Variants in ADGRG1 observed in about 807,000 individuals in gnomAD.
ADGRG1 encodes the protein adhesion G protein-coupled receptor G1.
In ADGRG1, 53 loss-of-function variants were observed where a neutral mutation model predicts 73.5. That is an observed-to-expected ratio of 0.72 (90% CI 0.58 to 0.91). The LOEUF is 0.91. Ranked by LOEUF, ADGRG1 falls within the 40% of genes least tolerant of loss-of-function variation. The pLI is 0.00. For synonymous variants in ADGRG1, 394 were observed against 374.4 expected (o/e 1.05, Z -0.60); for missense variants, 795 against 871.8 (o/e 0.91, Z 1.11).
chr16:57,628,619 C>T (rs2036391689), upstream of ADGRG1: 5 of 985,500 alleles, frequency 5.1e-6, no homozygotes, highest in South Asian at 1.9e-4. Flanking sequence ...AAACCCGGTC[C>T]CTCCCTCTCC....
intron 13 of ADGRG1, 88 bp downstream of exon 13, chr16:57,662,053 C>T (rs1386828634): frequency 1.9e-6 from 2 of 1,052,706 alleles, no homozygotes; most frequent in African/African-American, 3.1e-5. Context: ...AACCTGAAGA[C>T]TTCCCTTCTC....
intron 13 of ADGRG1, among the ~76,000 whole-genome samples, chr16:57,662,614 G>A (rs1319053980): frequency 5.3e-5 from 8 of 152,082 alleles, no homozygotes; most frequent in African/African-American, 1.9e-4. Flanking sequence ...AGAGGGAGAG[G>A]CAAGAACAAA....
At chr16:57,635,499 G>T (rs1383795215) in intron 1 of ADGRG1, 1 of 985,266 alleles carries the variant, frequency 1.0e-6, no homozygotes, top group Non-Finnish European at 1.2e-6. Context: ...GCAGCAGGTG[G>T]TGGCATGCCC....
chr16:57,661,417 T>C (rs2047068254), intron 12 of ADGRG1: 2 of 985,210 alleles, frequency 2.0e-6, no homozygotes, highest in Non-Finnish European at 2.4e-6. Context: ...ATCCTTCCCA[T>C]TGGCTCAGTG....
chr16:57,656,919 G>A (rs1275722835), intron 9 of ADGRG1, among the ~76,000 whole-genome samples: 1 of 152,132 alleles, frequency 6.6e-6, no homozygotes, highest in Admixed American at 6.5e-5. Flanking sequence ...TGGCAGTGAT[G>A]GGGCCAAGAG....
chr16:57,655,799 G>C lies in ADGRG1; in HGVS notation c.901-77G>C. ...GTGCTGGGAGAGGGTTATCTAGAGA[G>C]GGTAAGGGGCTTCTGGGCCCTTCTT... is the stretch of plus-strand genomic sequence containing the variant. On this transcript the variant is annotated intron_variant, in intron 6 of 13. Transcript: ENST00000562631. 6 of 1,613,530 alleles carry C rather than the reference G, an allele frequency of 3.7e-6. No individual in the cohort carries two copies. In the South Asian group the frequency reaches 6.6e-5, roughly 18 times the overall value.
At chr16:57,663,187 G>A in intron 13 of ADGRG1, 1 of 811,082 alleles carries the variant, frequency 1.2e-6, no homozygotes, top group Non-Finnish European at 1.5e-6. Flanking sequence ...AGCCTCCTGG[G>A]CCTCAGTTTC....
chr16:57,644,153 G>A (rs2147868307), intron 1 of ADGRG1: 2 of 985,100 alleles, frequency 2.0e-6, no homozygotes, highest in Middle Eastern at 5.2e-4. Context: ...GTTCCTCTGA[G>A]GAGCTCCCCG....
At chr16:57,631,440 G>A (rs962995750) in intron 1 of ADGRG1, 2 of 985,264 alleles carry the variant, frequency 2.0e-6, no homozygotes, top group African/African-American at 3.5e-5. Flanking sequence ...TCCCAGGGAG[G>A]CCATGGAGGA....
At chr16:57,633,249 G>A (rs192700132) in intron 1 of ADGRG1, 31 of 897,334 alleles carry the variant, frequency 3.5e-5, no homozygotes, top group East Asian at 1.2e-4. Flanking sequence ...ATGACTTCAA[G>A]AGGTTCTCCC....
intron 4 of ADGRG1, 70 bp downstream of exon 4, chr16:57,653,405 G>A: frequency 1.3e-6 from 2 of 1,595,140 alleles, no homozygotes; most frequent in Non-Finnish European, 1.7e-6. Flanking sequence ...GGCAGGGTGG[G>A]ACCTGGAGTA....
rs558568846 is a variant in ADGRG1, at chr16:57,644,915, ACT to A, written c.-35-5336_-35-5335del. ...GGGCACACACACTCATCACTTCATA[ACT>A]CATGCACACACACACTCATGCACGG... On this transcript the variant is annotated intron_variant, in intron 1 of 13. Coordinates refer to ENST00000562631, the MANE Select transcript of ADGRG1 (RefSeq NM_201525.4). The A allele has an allele frequency of 4.6e-3, 805 of 175,858 alleles. 8 individuals are homozygous for A. The highest frequency in any genetic ancestry group is 6.6e-3 in the Admixed American group (79 of 12,022). The allele number at this position is 175,858 out of a possible 1,614,324, so 10.9% of individuals were successfully genotyped here.
At chr16:57,653,504 G>A (rs2044665140) in intron 4 of ADGRG1, 169 bp downstream of exon 4, 2 of 985,274 alleles carry the variant, frequency 2.0e-6, no homozygotes, top group African/African-American at 1.7e-5. Context: ...CCCCCAGGCT[G>A]AGCCCTCTCC....
In ADGRG1 at chr16:57,639,606, C is replaced by A. The variant is rs2040246106; in HGVS notation, c.-35-10647C>A. On this transcript the variant is annotated intron_variant, in intron 1 of 13. Coordinates refer to ENST00000562631, the MANE Select transcript of ADGRG1 (RefSeq NM_201525.4). Reference sequence around the variant, plus strand: ...GCAGGCTACTGCCTGCAAACAAGAACCCCTCATCTGCCACGCACGTTCTTA... The same window carrying A: ...GCAGGCTACTGCCTGCAAACAAGAAACCCTCATCTGCCACGCACGTTCTTA... 5.1e-6 allele frequency: 5 copies of A among 985,330 alleles called. No homozygotes were observed. In the South Asian group the frequency reaches 2.4e-4, roughly 46 times the overall value. 61.0% of individuals were successfully genotyped at this position (985,330 alleles called of 1,614,324 possible).
chr16:57,650,137 C>T, intron 1 of ADGRG1, 116 bp from the exon 2 acceptor site: 1 of 1,528,740 alleles, frequency 6.5e-7, no homozygotes, highest in Non-Finnish European at 8.8e-7. Context: ...GCTTTTTCCA[C>T]ACTTGCTTCC....
chr16:57,651,281 AACCCACACCAG>A lies in ADGRG1; in HGVS notation c.150_160del (p.Thr51AlafsTer29). 6.2e-7 allele frequency: 1 copy of A among 1,614,020 alleles called. No homozygotes were observed. The highest frequency in any genetic ancestry group is 8.5e-7 in the Non-Finnish European group (1 of 1,179,968). ...ACACACAGGAGCAGCCTCCACTACA[AACCCACACCAG>A]ACCTGCGCATCTCCATCGAGAACTC... On this transcript the variant is annotated frameshift_variant, in exon 3 of 14. Transcript: ENST00000562631. LOFTEE classifies it high-confidence loss of function.
At chr16:57,643,570 G>T in intron 1 of ADGRG1, 1 of 984,948 alleles carries the variant, frequency 1.0e-6, no homozygotes. Context: ...GGGGGTGGGG[G>T]GTGTCCAGCA....
intron 9 of ADGRG1, 91 bp from the exon 10 acceptor site, chr16:57,657,282 C>A: frequency 6.3e-7 from 1 of 1,596,038 alleles, no homozygotes; most frequent in Non-Finnish European, 8.6e-7. Flanking sequence ...CGAGGCCCAC[C>A]AGGGACCCCA....
At chr16:57,637,430 T>C (rs1192443088) in intron 1 of ADGRG1, 12 of 985,194 alleles carry the variant, frequency 1.2e-5, no homozygotes, top group South Asian at 4.7e-5. Flanking sequence ...GAGTGCCAAG[T>C]GTATGTAAAA....
Sources: allele counts gnomAD v4.1 joint callset (sites outside exome capture counted in the v4.1 genomes callset), GRCh38; gene constraint gnomAD v4.1.1; transcripts MANE v1.5; gene names NCBI Gene and HGNC (gene_info 2026-07-23, HGNC 2026-07-21).